The following OSBPL1A variants were observed in gnomAD, a reference collection of about 807,000 sequenced individuals.
OSBPL1A encodes the protein oxysterol binding protein like 1A.
A neutral mutation model predicts 137.1 loss-of-function variants in OSBPL1A; 80 were observed. That is an observed-to-expected ratio of 0.58 (90% CI 0.49 to 0.70). The LOEUF (loss-of-function observed/expected upper bound fraction) is 0.70. Among genes scored for constraint, OSBPL1A ranks in the 30% least tolerant of loss-of-function variants. The pLI, the probability that OSBPL1A is intolerant of heterozygous loss-of-function variation, is 0.00. For synonymous variants in OSBPL1A, 365 were observed against 389.7 expected (o/e 0.94, Z 0.75); for missense variants, 970 against 1,129.4 (o/e 0.86, Z 2.02).
At chr18:24,234,888 A>C (rs975002785) in intron 16 of OSBPL1A, among the ~76,000 whole-genome samples, 4 of 152,160 alleles carry the variant, frequency 2.6e-5, no homozygotes, top group Admixed American at 6.5e-5. Context: ...CTTCAAATGA[A>C]GTGGAGGTTT....
chr18:24,184,748 T>TGCAGGTGTGCCCTGCC (rs1392645450), intron 18 of OSBPL1A, among the ~76,000 whole-genome samples: 1 of 152,118 alleles, frequency 6.6e-6, no homozygotes, highest in African/African-American at 2.4e-5. Flanking sequence ...AGGGGAACAC[T>TGCAGGTGTGCCCTGCC]GCAGGTGTGC....
At chr18:24,177,929 A>T in intron 21 of OSBPL1A, 84 bp downstream of exon 21, 1 of 1,324,322 alleles carries the variant, frequency 7.6e-7, no homozygotes. Flanking sequence ...CCAGCTTTTG[A>T]ACAGTAAGGT....
At chr18:24,329,847 T>A (rs1485822196) in intron 7 of OSBPL1A, among the ~76,000 whole-genome samples, 1 of 152,144 alleles carries the variant, frequency 6.6e-6, no homozygotes, top group Non-Finnish European at 1.5e-5. Context: ...AATCTTACTA[T>A]GGTAAGCTCA....
At chr18:24,205,270 C>A (rs1283816828) in intron 17 of OSBPL1A, among the ~76,000 whole-genome samples, 1 of 152,192 alleles carries the variant, frequency 6.6e-6, no homozygotes, top group African/African-American at 2.4e-5. Flanking sequence ...TTCCAAACCT[C>A]GGTTTTTCTT....
chr18:24,387,767 A>G (rs777384423), intron 1 of OSBPL1A, among the ~76,000 whole-genome samples: 1 of 151,524 alleles, frequency 6.6e-6, no homozygotes, highest in Admixed American at 6.6e-5. Flanking sequence ...CTGAAAGTCC[A>G]CTGCTGTCTA....
chr18:24,222,711 C>T (rs903133494), intron 17 of OSBPL1A, among the ~76,000 whole-genome samples: 1 of 152,088 alleles, frequency 6.6e-6, no homozygotes, highest in African/African-American at 2.4e-5. Flanking sequence ...GTTGAAAACG[C>T]TTGTTCTATT....
At chr18:24,361,520 T>C (rs775142469) in intron 4 of OSBPL1A, among the ~76,000 whole-genome samples, 6 of 152,200 alleles carry the variant, frequency 3.9e-5, no homozygotes, top group Non-Finnish European at 7.3e-5. Context: ...CAATTTAGCA[T>C]GGTCTCACGT....
At chr18:24,224,017 T>A (rs1304667258) in intron 17 of OSBPL1A, among the ~76,000 whole-genome samples, 1 of 152,190 alleles carries the variant, frequency 6.6e-6, no homozygotes, top group Non-Finnish European at 1.5e-5. Flanking sequence ...GGAAAGACAC[T>A]CACTGCTGGA....
chr18:24,287,371 G>T (rs190990418), intron 14 of OSBPL1A, among the ~76,000 whole-genome samples: 3 of 152,342 alleles, frequency 2.0e-5, no homozygotes, highest in Admixed American at 2.0e-4. Flanking sequence ...TCTTGGAAAG[G>T]TCTGTGCCAC....
chr18:24,305,816 T>A (rs1330161088), intron 13 of OSBPL1A, among the ~76,000 whole-genome samples: 1 of 152,172 alleles, frequency 6.6e-6, no homozygotes, highest in Non-Finnish European at 1.5e-5. Flanking sequence ...ACAAGCCGCA[T>A]AGGATCTGAT....
At chr18:24,197,786 CTTTTTTT>C (rs1043369707) in intron 17 of OSBPL1A, among the ~76,000 whole-genome samples, 59 of 122,788 alleles carry the variant, frequency 4.8e-4, no homozygotes, top group African/African-American at 1.4e-3. Flanking sequence ...CTTTTCTTTT[CTTTTTTT>C]TTTTTTTTTT....
In OSBPL1A at chr18:24,341,594, G is replaced by C; in HGVS notation, c.347C>G (p.Thr116Arg). 1 of 1,613,308 alleles carries C rather than the reference G, an allele frequency of 6.2e-7. No homozygotes were observed. Among genetic ancestry groups the C allele is most frequent in the Non-Finnish European group, 8.5e-7 (1 of 1,179,658 alleles). The change falls in exon 5 of 28, where the codon ACA (threonine) becomes AGA (arginine). Residue 116 changes from threonine (T) to arginine (R), a missense_variant. This residue lies in a region of OSBPL1A where 647 missense variants were observed against 672.6 expected (regional missense o/e 0.96). Coordinates refer to ENST00000319481, the MANE Select transcript of OSBPL1A (RefSeq NM_080597.4). Reference sequence around the variant, plus strand: ...TTCAGCATGAGTAACTTCTTTTGCTGTCTGTCCACTCCCATTAACAATAGT... The same window carrying C: ...TTCAGCATGAGTAACTTCTTTTGCTCTCTGTCCACTCCCATTAACAATAGT... Reference protein sequence around the residue: ...DTTIVNGSGQTAKEVTHAEEI... With the variant: ...DTTIVNGSGQRAKEVTHAEEI...
chr18:24,390,924 A>AC (rs1473992780), intron 1 of OSBPL1A, among the ~76,000 whole-genome samples: 1 of 151,060 alleles, frequency 6.6e-6, no homozygotes, highest in Non-Finnish European at 1.5e-5. Context: ...ACATGGTGAA[A>AC]CCCCGTCTCT....
chr18:24,248,089 T>G (rs879695888), intron 15 of OSBPL1A, among the ~76,000 whole-genome samples: 2 of 152,188 alleles, frequency 1.3e-5, no homozygotes, highest in Non-Finnish European at 2.9e-5. Flanking sequence ...GCTCAGACAG[T>G]CCATCCTTAG....
At chr18:24,359,480 C>A (rs994916436) in intron 4 of OSBPL1A, among the ~76,000 whole-genome samples, 7 of 151,828 alleles carry the variant, frequency 4.6e-5, no homozygotes, top group African/African-American at 1.7e-4. Context: ...AGGAAGACCG[C>A]TTAAGGTTCA....
At chr18:24,336,998 C>A (rs1485614466) in intron 5 of OSBPL1A, among the ~76,000 whole-genome samples, 1 of 152,084 alleles carries the variant, frequency 6.6e-6, no homozygotes, top group Non-Finnish European at 1.5e-5. Flanking sequence ...TTACAGTGGA[C>A]CACAAAGTGA....
Position 24,271,562 on chromosome 18 carries a change from C to A in OSBPL1A, c.1281+9280G>T. ...CCGCCCTCCCCGCTCCGTCCCCCGG[C>A]GTCCTCCGTGGCCCCAGGCTGCCCC... On this transcript the variant is annotated intron_variant, in intron 15 of 27. Transcript: ENST00000319481. The surrounding 1 kb of genome is among the most constrained non-coding windows in gnomAD (Gnocchi z 4.0). 2 of 987,286 alleles carry A rather than the reference C, an allele frequency of 2.0e-6. No homozygotes were observed. The highest frequency in any genetic ancestry group is 2.4e-6 in the Non-Finnish European group (2 of 831,426). 61.2% of individuals were successfully genotyped at this position (987,286 alleles called of 1,614,324 possible).
At chr18:24,244,452 T>C (rs2088821205) in intron 15 of OSBPL1A, among the ~76,000 whole-genome samples, 1 of 152,220 alleles carries the variant, frequency 6.6e-6, no homozygotes. Context: ...AATTCGCATA[T>C]GGAATATACA....
At chr18:24,201,344 C>G (rs1028036441) in intron 17 of OSBPL1A, among the ~76,000 whole-genome samples, 4 of 152,182 alleles carry the variant, frequency 2.6e-5, no homozygotes, top group Non-Finnish European at 5.9e-5. Context: ...CCCCAAAGAA[C>G]CAAATTCATT....
Sources: gnomAD v4.1 joint callset for allele counts (sites outside exome capture counted in the v4.1 genomes callset) on GRCh38, gnomAD v4.1.1 for gene constraint, gnomAD v4.1.1 regional missense constraint, Gnocchi (gnomAD v3.1) non-coding constraint, MANE v1.5 for transcripts, NCBI Gene and HGNC (gene_info 2026-07-23, HGNC 2026-07-21) for gene names.